The following AGBL4 variants were observed in gnomAD, a reference collection of about 807,000 sequenced individuals.
AGBL4 encodes AGBL carboxypeptidase 4.
AGBL4 carries 58 observed loss-of-function variants against 66.4 expected under a neutral mutation model. The ratio of observed to expected loss-of-function variants is 0.87; its 90% CI spans 0.71 to 1.09. The LOEUF is 1.09. Among genes scored for constraint, AGBL4 ranks in the 50% least tolerant of loss-of-function variants. The pLI is 0.00. For missense variants in AGBL4, 579 were observed against 631.0 expected (o/e 0.92, Z 0.88); for synonymous variants, 234 against 222.9 (o/e 1.05, Z -0.44).
chr1:49,948,870 C>T (rs1655809822), intron 1 of AGBL4, among the ~76,000 whole-genome samples: 1 of 151,322 alleles, frequency 6.6e-6, no homozygotes, highest in African/African-American at 2.4e-5. Context: ...AAAAACGAGC[C>T]CACCAAGTCA....
chr1:49,422,395 T>G (rs1645565016), intron 3 of AGBL4, among the ~76,000 whole-genome samples: 1 of 152,240 alleles, frequency 6.6e-6, no homozygotes, highest in Non-Finnish European at 1.5e-5. Context: ...CATTTCCAAA[T>G]TCTTTTTCAT....
rs61233999 is a variant in AGBL4, at chr1:48,646,513, A to ATGTGTGTGTGTGTGTGTG, written c.839+6806_839+6823dup. Reference sequence around the variant, plus strand: ...GGAAGAGGTAGGTAGACCAGTTATAATGTGTGTGTGTGTGTGTGTGTGTGT... The same window carrying ATGTGTGTGTGTGTGTGTG: ...GGAAGAGGTAGGTAGACCAGTTATAATGTGTGTGTGTGTGTGTGTGTGTGTGTGTGTGTGTGTGTGTGT... On this transcript the variant is annotated intron_variant, in intron 8 of 13. Transcript: ENST00000371839. 1.5e-3 allele frequency among the ~76,000 whole-genome samples: 199 copies of ATGTGTGTGTGTGTGTGTG among 131,514 alleles called. 3 individuals are homozygous for ATGTGTGTGTGTGTGTGTG. The highest frequency in any genetic ancestry group is 3.2e-3 in the South Asian group (11 of 3,468). 86.3% of individuals were successfully genotyped at this position (131,514 alleles called of 152,430 possible).
At chr1:48,677,478 G>T (rs768931468) in intron 6 of AGBL4, among the ~76,000 whole-genome samples, 11 of 152,206 alleles carry the variant, frequency 7.2e-5, no homozygotes, top group Non-Finnish European at 2.9e-5. Flanking sequence ...GGAAATCTCG[G>T]TGGTTGAGCA....
intron 2 of AGBL4, among the ~76,000 whole-genome samples, chr1:49,761,932 T>C (rs1652353188): frequency 1.3e-5 from 2 of 152,188 alleles, no homozygotes; most frequent in African/African-American, 4.8e-5. Context: ...GGCTAAATAG[T>C]ATTCTATTGT....
At chr1:48,820,357 T>C (rs1646283782) in intron 6 of AGBL4, among the ~76,000 whole-genome samples, 1 of 152,182 alleles carries the variant, frequency 6.6e-6, no homozygotes, top group African/African-American at 2.4e-5. Context: ...CTTGACTGGC[T>C]ATGAGGAGGT....
chr1:49,059,981 T>C (rs371272964), intron 4 of AGBL4, among the ~76,000 whole-genome samples: 1 of 152,174 alleles, frequency 6.6e-6, no homozygotes, highest in Non-Finnish European at 1.5e-5. Flanking sequence ...TGACACTTTG[T>C]TCCTGGACAT....
At chr1:49,727,292 T>C (rs892055592) in intron 2 of AGBL4, among the ~76,000 whole-genome samples, 2 of 152,160 alleles carry the variant, frequency 1.3e-5, no homozygotes, top group African/African-American at 2.4e-5. Flanking sequence ...ATTATTCAAA[T>C]GGCAATATTC....
chr1:49,243,361 G>A (rs967490747), intron 4 of AGBL4, among the ~76,000 whole-genome samples: 5 of 151,648 alleles, frequency 3.3e-5, no homozygotes, highest in South Asian at 2.1e-4. Flanking sequence ...AGACTCCTTG[G>A]AGCCAATAAA....
intron 5 of AGBL4, among the ~76,000 whole-genome samples, chr1:49,002,212 G>A (rs961367418): frequency 6.6e-6 from 1 of 152,184 alleles, no homozygotes; most frequent in Admixed American, 6.5e-5. Flanking sequence ...CACTGACTGA[G>A]AAATAACAGT....
At chr1:48,654,947 T>C (rs1176685508) in intron 7 of AGBL4, among the ~76,000 whole-genome samples, 1 of 152,242 alleles carries the variant, frequency 6.6e-6, no homozygotes, top group Admixed American at 6.5e-5. Context: ...TGTTAGGGGC[T>C]AATAATTGCT....
At chr1:49,703,525 TA>T (rs776360933) in intron 2 of AGBL4, among the ~76,000 whole-genome samples, 117 of 141,484 alleles carry the variant, frequency 8.3e-4, no homozygotes, top group East Asian at 4.7e-3. Flanking sequence ...CATTCATGAT[TA>T]AAAAAAAAAA....
intron 6 of AGBL4, among the ~76,000 whole-genome samples, chr1:48,744,244 T>C (rs749382687): frequency 1.3e-5 from 2 of 152,166 alleles, no homozygotes; most frequent in Non-Finnish European, 2.9e-5. Flanking sequence ...TGGGGCTGAG[T>C]AGGCACTCTC....
At chr1:49,739,530 A>G (rs572236078) in intron 2 of AGBL4, among the ~76,000 whole-genome samples, 132 of 152,312 alleles carry the variant, frequency 8.7e-4, no homozygotes, top group African/African-American at 3.0e-3. Context: ...GCAGGCCAAC[A>G]TTCAGATTCA....
chr1:49,498,955 G>T (rs1461803105), intron 3 of AGBL4, among the ~76,000 whole-genome samples: 1 of 151,898 alleles, frequency 6.6e-6, no homozygotes, highest in African/African-American at 2.4e-5. Context: ...TTGAATTTAG[G>T]TTGCTAACAT....
chr1:49,155,685 A>C (rs1646416526), intron 4 of AGBL4, among the ~76,000 whole-genome samples: 1 of 152,194 alleles, frequency 6.6e-6, no homozygotes, highest in Admixed American at 6.5e-5. Context: ...GCATCTTCTC[A>C]GTTCCACATG....
At chr1:49,455,102 C>T (rs1457583297) in intron 3 of AGBL4, among the ~76,000 whole-genome samples, 1 of 151,572 alleles carries the variant, frequency 6.6e-6, no homozygotes, top group South Asian at 2.1e-4. Flanking sequence ...GATATCAAAG[C>T]TTTTGTGCTT....
chr1:49,070,974 G>C (rs1644592014), intron 4 of AGBL4, among the ~76,000 whole-genome samples: 1 of 151,906 alleles, frequency 6.6e-6, no homozygotes, highest in South Asian at 2.1e-4. Context: ...AGTCTTGGGA[G>C]GGTGTAAGCA....
intron 3 of AGBL4, among the ~76,000 whole-genome samples, chr1:49,652,157 A>T (rs1646020598): frequency 6.6e-6 from 1 of 152,162 alleles, no homozygotes; most frequent in Non-Finnish European, 1.5e-5. Context: ...AGCAAAAAAA[A>T]TTTATTTAAT....
rs1442901812 is a variant in AGBL4, at chr1:49,045,670, T to C, written c.508A>G (p.Thr170Ala). The C allele has an allele frequency of 6.3e-7, 1 of 1,582,222 alleles. No individual in the cohort carries two copies. Among genetic ancestry groups the C allele is most frequent in the Non-Finnish European group, 8.6e-7 (1 of 1,162,586 alleles). ...AGGTAATGTTGGAAGCGAGTGTATG[T>C]ATATGGGTAGCAGTAAGCAAACTGG... The part of the protein sequence containing the change: ...IYQFAYCYPY[T>A]YTRFQHYLDS... Residue 170 changes from threonine to alanine, a missense_variant, in exon 5 of 14, where the codon ACA (threonine) becomes GCA (alanine). By Grantham distance (58) the Thr-to-Ala change is moderately conservative. Transcript: ENST00000371839.
Sources: gnomAD v4.1 joint callset for allele counts (sites outside exome capture counted in the v4.1 genomes callset) on GRCh38, gnomAD v4.1.1 for gene constraint, MANE v1.5 for transcripts, NCBI Gene and HGNC (gene_info 2026-07-23, HGNC 2026-07-21) for gene names.